The following LIPJ variants were observed in gnomAD, a reference collection of about 807,000 sequenced individuals.
LIPJ encodes lipase member J.
Under a neutral mutation model 39.8 loss-of-function variants are expected in LIPJ, and 33 were observed. The observed-to-expected ratio is 0.83, with a 90% CI of 0.63 to 1.11. The LOEUF (loss-of-function observed/expected upper bound fraction) is 1.11, where lower values mean the gene tolerates loss of function less well. Among genes scored for constraint, LIPJ ranks in the 50% least tolerant of loss-of-function variants. The pLI, the probability that LIPJ is intolerant of heterozygous loss-of-function variation, is 0.00. For missense variants in LIPJ, 422 were observed against 427.9 expected (o/e 0.99, Z 0.12); for synonymous variants, 128 against 139.2 (o/e 0.92, Z 0.57).
intron 4 of LIPJ, chr10:88,592,274 A>C (rs1851105476): frequency 6.6e-6 from 1 of 151,942 alleles, no homozygotes; most frequent in African/African-American, 2.4e-5. Flanking sequence ...GGTTATACCC[A>C]GTAGCAGAAA....
At chr10:88,612,571 T>C in the LIPJ span, among the ~76,000 whole-genome samples, 1 of 151,906 alleles carries the variant, frequency 6.6e-6, no homozygotes, top group Non-Finnish European at 1.5e-5. Context: ...CACCAAAAGC[T>C]AGCAGGAGTA....
At chr10:88,583,155 T>C (rs776273868), upstream of LIPJ, 3 of 1,614,054 alleles carry the variant, frequency 1.9e-6, no homozygotes, top group Middle Eastern at 1.6e-4. Context: ...ACAAGCTTCC[T>C]GTCATCCCGG....
intron 8 of LIPJ, among the ~76,000 whole-genome samples, chr10:88,599,484 A>G (rs749144662): frequency 1.4e-4 from 21 of 151,606 alleles, no homozygotes; most frequent in Admixed American, 2.6e-4. Context: ...TCTTTTATTT[A>G]TTTATTTATT....
At chr10:88,622,139 T>A in the LIPJ span, among the ~76,000 whole-genome samples, 2 of 152,174 alleles carry the variant, frequency 1.3e-5, no homozygotes, top group Non-Finnish European at 2.9e-5. Flanking sequence ...TGTCTGACAG[T>A]TTATTATCTT....
At chr10:88,602,548 T>C (rs1388518698) in intron 8 of LIPJ, 28 bp from the exon 9 acceptor site, 1 of 1,452,690 alleles carries the variant, frequency 6.9e-7, no homozygotes, top group East Asian at 2.4e-5. Context: ...TATATAAAAA[T>C]GCTTTTTTTT....
upstream of LIPJ, chr10:88,584,107 A>G (rs1850822154): frequency 6.6e-6 from 1 of 152,218 alleles, no homozygotes; most frequent in Non-Finnish European, 1.5e-5. Context: ...ATCAGAACCA[A>G]TAAGAAAATT....
chr10:88,612,087 G>T, the LIPJ span, among the ~76,000 whole-genome samples: 1 of 152,160 alleles, frequency 6.6e-6, no homozygotes, highest in Non-Finnish European at 1.5e-5. Context: ...AACCCTACAA[G>T]CTAGAAAGGA....
At chr10:88,596,416 G>A (rs1851257295) in exon 7 of LIPJ, 1 of 1,519,156 alleles carries the variant, frequency 6.6e-7, no homozygotes. Flanking sequence ...CAATAGTCAT[G>A]GTATGTTCTA....
chr10:88,612,687 C>G, the LIPJ span, among the ~76,000 whole-genome samples: 1 of 152,040 alleles, frequency 6.6e-6, no homozygotes, highest in Non-Finnish European at 1.5e-5. Flanking sequence ...GAAAATATCA[C>G]AATTCTAAAT....
At chr10:88,595,214 A>T (rs1851213406) in intron 6 of LIPJ, among the ~76,000 whole-genome samples, 1 of 151,804 alleles carries the variant, frequency 6.6e-6, no homozygotes, top group Non-Finnish European at 1.5e-5. Context: ...AAAATCAGGA[A>T]ATTCTTTCTA....
At chr10:88,593,211 G>C (rs1851139389) in intron 4 of LIPJ, 1 of 151,744 alleles carries the variant, frequency 6.6e-6, no homozygotes, top group South Asian at 2.1e-4. Context: ...GGTGGTCATA[G>C]CCTTGTTTGT....
At position 88,593,945 on chromosome 10, in the gene LIPJ, G is replaced by A; in HGVS notation, c.131-1G>A. ...AAGAACTTTCTACATTTTTTTCTCAGCTCAGAGGGTTGTTGTATACTTGCA... is the reference window on the plus strand; with the variant it reads ...AAGAACTTTCTACATTTTTTTCTCAACTCAGAGGGTTGTTGTATACTTGCA... On this transcript the variant is annotated splice_acceptor_variant, in intron 4 of 10. Transcript: ENST00000371939. LOFTEE classifies it high-confidence loss of function. 1 of 1,607,740 alleles carries A rather than the reference G, an allele frequency of 6.2e-7. No homozygotes were observed. The highest frequency in any genetic ancestry group is 1.3e-5 in the African/African-American group (1 of 74,584).
rs776821508 is a variant in LIPJ at position 88,596,938 on chromosome 10, T to C, written c.723+2T>C. 2.8e-6 allele frequency: 4 copies of C among 1,429,492 alleles called. No homozygotes were observed. The highest frequency in any genetic ancestry group is 2.0e-5 in the Admixed American group (1 of 49,260). The allele number at this position is 1,429,492 out of a possible 1,614,324, so 88.6% of individuals were successfully genotyped here. ...TATGACCCAAAAAACTTAAATATGG[T>C]AAGAACAAGTTGTATTTGAAATATA... On this transcript the variant is annotated splice_donor_variant, in intron 8 of 10. Coordinates refer to ENST00000371939, the Ensembl canonical transcript of LIPJ. LOFTEE classifies it high-confidence loss of function.
At chr10:88,594,253 T>C (rs983002963) in intron 5 of LIPJ, 109 bp downstream of exon 5, 5 of 741,286 alleles carry the variant, frequency 6.7e-6, no homozygotes, top group Non-Finnish European at 1.1e-5. Context: ...TTTAGGACTT[T>C]CCATAGACTA....
At chr10:88,616,495 G>A in the LIPJ span, among the ~76,000 whole-genome samples, 1 of 152,258 alleles carries the variant, frequency 6.6e-6, no homozygotes, top group Non-Finnish European at 1.5e-5. Flanking sequence ...TTGGCGCCGA[G>A]CGCCCTTAAC....
At chr10:88,600,850 GCCT>G (rs1397796252) in intron 8 of LIPJ, among the ~76,000 whole-genome samples, 1 of 152,218 alleles carries the variant, frequency 6.6e-6, no homozygotes. Context: ...TCTGGCAATG[GCCT>G]TCTTGCTATG....
chr10:88,587,208 G>A (rs1850940475), intron 1 of LIPJ, 58 bp from the exon 2 acceptor site: 1 of 151,416 alleles, frequency 6.6e-6, no homozygotes. Flanking sequence ...AAAAAAATAG[G>A]AAGCTGAATT....
chr10:88,606,384 A>G (rs1851665173), intron 10 of LIPJ, among the ~76,000 whole-genome samples: 1 of 152,174 alleles, frequency 6.6e-6, no homozygotes, highest in South Asian at 2.1e-4. Context: ...TTGATTTAAA[A>G]TCTTTCATGT....
chr10:88,596,027 A>G (rs1021209353), intron 6 of LIPJ, among the ~76,000 whole-genome samples: 2 of 151,630 alleles, frequency 1.3e-5, no homozygotes, highest in Admixed American at 6.6e-5. Flanking sequence ...ATGGCATTAC[A>G]TGTCTGATTT....
Sources: allele counts gnomAD v4.1 joint callset (sites outside exome capture counted in the v4.1 genomes callset), GRCh38; gene constraint gnomAD v4.1.1; transcripts MANE v1.5; gene names NCBI Gene and HGNC (gene_info 2026-07-23, HGNC 2026-07-21).